Variants in ARNT2 observed in about 807,000 individuals in gnomAD.
ARNT2 encodes aryl hydrocarbon receptor nuclear translocator 2.
ARNT2 carries 36 observed loss-of-function variants against 91.7 expected under a neutral mutation model. The ratio of observed to expected loss-of-function variants is 0.39; its 90% CI spans 0.30 to 0.52. ARNT2 has a LOEUF of 0.52. Ranked by LOEUF, ARNT2 falls within the 20% of genes least tolerant of loss-of-function variation. The pLI is 0.72. For synonymous variants in ARNT2, 365 were observed against 347.1 expected (o/e 1.05, Z -0.57); for missense variants, 775 against 939.3 (o/e 0.83, Z 2.29).
At chr15:80,509,911 A>C (rs766761713) in intron 6 of ARNT2, among the ~76,000 whole-genome samples, 6 of 152,310 alleles carry the variant, frequency 3.9e-5, no homozygotes, top group Admixed American at 1.3e-4. Flanking sequence ...AGTGGATGTT[A>C]GGTCGTGTTG....
intron 3 of ARNT2, among the ~76,000 whole-genome samples, chr15:80,459,320 C>T (rs1896521227): frequency 6.6e-6 from 1 of 152,196 alleles, no homozygotes. Context: ...TCGGTGCAGA[C>T]AGAATGGCAG....
At chr15:80,513,153 TA>T (rs962337561) in intron 6 of ARNT2, among the ~76,000 whole-genome samples, 8 of 152,092 alleles carry the variant, frequency 5.3e-5, no homozygotes, top group Non-Finnish European at 1.2e-4. Flanking sequence ...GAAATGCACA[TA>T]AAAAATGGAT....
At chr15:80,457,834 C>A (rs1232442853) in intron 2 of ARNT2, 95 bp from the exon 3 acceptor site, 5 of 1,333,030 alleles carry the variant, frequency 3.8e-6, no homozygotes, top group Non-Finnish European at 4.3e-6. Context: ...GATAGCAGTC[C>A]TAGTGAATAA....
intron 5 of ARNT2, among the ~76,000 whole-genome samples, chr15:80,501,061 T>C (rs1409230588): frequency 6.6e-6 from 1 of 152,232 alleles, no homozygotes; most frequent in Non-Finnish European, 1.5e-5. Flanking sequence ...TAGTTCCCTG[T>C]GAGCTTTAGA....
At chr15:80,539,791 T>G (rs1897878930) in intron 8 of ARNT2, among the ~76,000 whole-genome samples, 1 of 151,398 alleles carries the variant, frequency 6.6e-6, no homozygotes, top group African/African-American at 2.4e-5. Context: ...ATCTTAGTGT[T>G]GCTAATCCTC....
chr15:80,414,537 A>G, intron 1 of ARNT2, among the ~76,000 whole-genome samples: 1 of 152,230 alleles, frequency 6.6e-6, no homozygotes, highest in Non-Finnish European at 1.5e-5. Flanking sequence ...CTTTTGAGAT[A>G]ATTATGAAAT....
In ARNT2 at chr15:80,595,165, C is replaced by T. The variant is rs4459508; in HGVS notation, c.*1467C>T. On this transcript the variant is annotated 3_prime_UTR_variant, in exon 19 of 19. Coordinates refer to ENST00000303329, the MANE Select transcript of ARNT2 (RefSeq NM_014862.4). ...AGGACTCCTTCGGCCTCTTGTGTTT[C>T]CTTCCTTTTGTGACCATTACGCCCC... The T allele has an allele frequency of 0.28, 42,709 of 152,184 alleles. 6,333 individuals are homozygous for T. The highest frequency in any genetic ancestry group is 0.34 in the South Asian group (1,658 of 4,816). 9.4% of individuals were successfully genotyped at this position (152,184 alleles called of 1,614,324 possible).
chr15:80,571,595 C>T (rs1425091136), intron 12 of ARNT2, among the ~76,000 whole-genome samples: 1 of 152,132 alleles, frequency 6.6e-6, no homozygotes, highest in Admixed American at 6.5e-5. Flanking sequence ...GAGGGACTGG[C>T]TGGAAACAAA....
chr15:80,549,306 C>T (rs1898042735), intron 8 of ARNT2, among the ~76,000 whole-genome samples: 1 of 152,092 alleles, frequency 6.6e-6, no homozygotes, highest in Non-Finnish European at 1.5e-5. Context: ...TTTCCTTAAG[C>T]TTTGTGTAAG....
At chr15:80,427,045 T>C (rs1020398) in intron 1 of ARNT2, among the ~76,000 whole-genome samples, 47,077 of 152,088 alleles carry the variant, frequency 0.31, 7,507 homozygotes, top group East Asian at 0.54. Context: ...TACTTTCACA[T>C]TGGGGGTTAG....
At chr15:80,422,456 T>G (rs1275243777) in intron 1 of ARNT2, among the ~76,000 whole-genome samples, 1 of 152,184 alleles carries the variant, frequency 6.6e-6, no homozygotes, top group Non-Finnish European at 1.5e-5. Context: ...AACCTAGAAT[T>G]CTATACTTAG....
intron 3 of ARNT2, among the ~76,000 whole-genome samples, chr15:80,469,713 C>A (rs144860345): frequency 6.6e-6 from 1 of 152,262 alleles, no homozygotes; most frequent in Non-Finnish European, 1.5e-5. Flanking sequence ...CTCCCAGGTT[C>A]AAGCAATTCT....
In ARNT2 at chr15:80,575,063, A is replaced by C; in HGVS notation, c.1466A>C (p.Gln489Pro). The C allele has an allele frequency of 6.2e-7, 1 of 1,614,240 alleles. No homozygotes were observed. Among genetic ancestry groups the C allele is most frequent in the Non-Finnish European group, 8.5e-7 (1 of 1,180,042 alleles). Residue 489 changes from glutamine to proline, a missense_variant, in exon 14 of 19, where the codon CAG (glutamine) becomes CCG (proline). Around this residue, in one of 5 missense-constraint regions of ARNT2, gnomAD observed 325 missense variants for 359.9 expected, o/e 0.90. Transcript: ENST00000303329. ...SVEKADAIFS[Q>P]ERDPRFAEMF... Reference sequence around the variant, plus strand: ...GAAAAGGCGGATGCAATCTTCTCCCAGGAAAGAGATCCTCGGTTTGCTGAA... The same window carrying C: ...GAAAAGGCGGATGCAATCTTCTCCCCGGAAAGAGATCCTCGGTTTGCTGAA...
intron 5 of ARNT2, among the ~76,000 whole-genome samples, chr15:80,498,245 A>G (rs1047296216): frequency 5.9e-5 from 9 of 152,280 alleles, no homozygotes; most frequent in Admixed American, 2.0e-4. Context: ...GGGCTGTTGG[A>G]TCATTGCCCC....
chr15:80,531,519 A>G (rs561540067), intron 8 of ARNT2, among the ~76,000 whole-genome samples: 28 of 152,344 alleles, frequency 1.8e-4, no homozygotes, highest in African/African-American at 5.8e-4. Flanking sequence ...AAATGTTGCA[A>G]TTCCTGCCAG....
In ARNT2 at chr15:80,449,198, C is replaced by T. The variant is rs968236951; in HGVS notation, c.32-1682C>T. On this transcript the variant is annotated intron_variant, in intron 1 of 18. Coordinates refer to ENST00000303329, the MANE Select transcript of ARNT2 (RefSeq NM_014862.4). ...GAATCTCCAAGAAAGGGGGTAAGTG[C>T]ACAGCTTTTTTCTTAACTTATTTGA... is the stretch of plus-strand genomic sequence containing the variant. 2.0e-4 allele frequency among the ~76,000 whole-genome samples: 30 copies of T among 152,144 alleles called. 1 individual carries two copies.
In ARNT2 at chr15:80,577,706, G is replaced by A. The variant is rs145234035; in HGVS notation, c.1613+741G>A. On this transcript the variant is annotated intron_variant, in intron 15 of 18. Coordinates refer to ENST00000303329, the MANE Select transcript of ARNT2 (RefSeq NM_014862.4). ...GCTTCCAGATGCAGAGGCCAGGAGGGCAGGTGGGGCCGGCCACCCAGAGAG... is the reference window on the plus strand; with the variant it reads ...GCTTCCAGATGCAGAGGCCAGGAGGACAGGTGGGGCCGGCCACCCAGAGAG... Among the ~76,000 whole-genome samples the A allele has an allele frequency of 1.1e-3, 165 of 152,368 alleles. 1 individual carries two copies. The highest frequency in any genetic ancestry group is 3.9e-3 in the African/African-American group (163 of 41,586).
At chr15:80,509,533 A>C (rs74027803) in intron 6 of ARNT2, among the ~76,000 whole-genome samples, 2,657 of 152,244 alleles carry the variant, frequency 0.017, 84 homozygotes, top group African/African-American at 0.06. Context: ...GGGTGATACA[A>C]AGTAGACAAA....
chr15:80,431,862 G>C (rs554864116), intron 1 of ARNT2, among the ~76,000 whole-genome samples: 1 of 152,326 alleles, frequency 6.6e-6, no homozygotes, highest in South Asian at 2.1e-4. Flanking sequence ...AGGACCTCCT[G>C]GTGGAGAGCA....
Sources: gnomAD v4.1 joint callset for allele counts (sites outside exome capture counted in the v4.1 genomes callset) on GRCh38, gnomAD v4.1.1 for gene constraint, gnomAD v4.1.1 regional missense constraint, MANE v1.5 for transcripts, NCBI Gene and HGNC (gene_info 2026-07-23, HGNC 2026-07-21) for gene names.